RFX3: variants seen among roughly 807,000 people sequenced by gnomAD.
RFX3 encodes the protein regulatory factor X3.
In RFX3, 14 loss-of-function variants were observed where a neutral mutation model predicts 98.6. The ratio of observed to expected loss-of-function variants is 0.14; its 90% CI spans 0.09 to 0.22. The LOEUF is 0.22. Ranked by LOEUF, RFX3 falls within the 10% of genes least tolerant of loss-of-function variation. RFX3 has a pLI of 1.00. For missense variants in RFX3, 639 were observed against 926.9 expected, an observed-to-expected ratio of 0.69 and a Z score of 4.03; for synonymous variants, 383 against 328.4, an observed-to-expected ratio of 1.17 and a Z score of -1.80.
intron 1 of RFX3, among the ~76,000 whole-genome samples, chr9:3,423,320 T>G (rs143539941): frequency 3.0e-4 from 46 of 152,316 alleles, no homozygotes; most frequent in Middle Eastern, 3.4e-3. Context: ...GACATTTGTC[T>G]AAACAAAGAC....
chr9:3,299,732 A>T (rs1828422952), intron 5 of RFX3, among the ~76,000 whole-genome samples: 1 of 151,838 alleles, frequency 6.6e-6, no homozygotes, highest in Non-Finnish European at 1.5e-5. Flanking sequence ...TTCTTTCATG[A>T]ATTCTATAAA....
intron 1 of RFX3, among the ~76,000 whole-genome samples, chr9:3,508,913 T>C (rs1300198624): frequency 6.6e-6 from 1 of 151,606 alleles, no homozygotes; most frequent in East Asian, 1.9e-4. Context: ...CCGAAACTAA[T>C]TCAAGTCTGA....
At chr9:3,393,979 A>T (rs1840586272) in intron 2 of RFX3, among the ~76,000 whole-genome samples, 1 of 152,218 alleles carries the variant, frequency 6.6e-6, no homozygotes, top group Admixed American at 6.5e-5. Flanking sequence ...TGGATCTACA[A>T]TTCTAAAAAA....
chr9:3,318,010 T>C (rs1830827663), intron 4 of RFX3, among the ~76,000 whole-genome samples: 1 of 152,170 alleles, frequency 6.6e-6, no homozygotes, highest in African/African-American at 2.4e-5. Flanking sequence ...GACCCAGCCA[T>C]CCCATTACTG....
intron 12 of RFX3, 99 bp from the exon 13 acceptor site, chr9:3,263,183 T>C: frequency 8.2e-7 from 1 of 1,222,778 alleles, no homozygotes; most frequent in East Asian, 2.4e-5. Context: ...TTTAAATGCT[T>C]GCCTCTGACA....
At position 3,505,328 on chromosome 9, in the gene RFX3, A is replaced by T. The variant is rs1218994778; in HGVS notation, c.-9+20419T>A. 4.6e-4 allele frequency among the ~76,000 whole-genome samples: 41 copies of T among 90,076 alleles called. 6 individuals are homozygous for T. The highest frequency in any genetic ancestry group is 1.5e-3 in the East Asian group (3 of 1,950). The allele number at this position is 90,076 out of a possible 152,430, so 59.1% of individuals were successfully genotyped here. A position where few individuals can be genotyped will look rare whatever the true frequency, so the allele number is the denominator to read the frequency against. ...TATAAATATATATTAATGTATATTT[A>T]TATTTTATATAAATAAAATATTTTA... On this transcript the variant is annotated intron_variant, in intron 1 of 16. Coordinates refer to ENST00000617270, the MANE Select transcript of RFX3 (RefSeq NM_001282116.2).
At chr9:3,238,683 A>C (rs1011088033) in intron 15 of RFX3, among the ~76,000 whole-genome samples, 29 of 152,170 alleles carry the variant, frequency 1.9e-4, no homozygotes, top group Admixed American at 1.3e-3. Context: ...GAATTTTACA[A>C]ATAATATATA....
At chr9:3,387,268 T>C (rs1028306945) in intron 2 of RFX3, among the ~76,000 whole-genome samples, 2 of 152,164 alleles carry the variant, frequency 1.3e-5, no homozygotes, top group Non-Finnish European at 2.9e-5. Context: ...TCAAATACCA[T>C]GTCAAATTTT....
intron 1 of RFX3, among the ~76,000 whole-genome samples, chr9:3,442,374 C>T (rs1845682412): frequency 6.6e-6 from 1 of 151,658 alleles, no homozygotes; most frequent in Non-Finnish European, 1.5e-5. Flanking sequence ...AAGAAAAGGA[C>T]ATCAAAAAAA....
chr9:3,414,926 A>G (rs1842821473), intron 1 of RFX3, among the ~76,000 whole-genome samples: 1 of 125,922 alleles, frequency 7.9e-6, no homozygotes, highest in African/African-American at 3.7e-5. Context: ...ATATACTCAT[A>G]TGTGTGTATA....
chr9:3,395,233 G>A lies in RFX3; in HGVS notation c.117+239C>T, dbSNP rs149859732. On this transcript the variant is annotated intron_variant, in intron 2 of 16. Transcript: ENST00000617270. Reference sequence around the variant, plus strand: ...TAACTTGCTTTAGGAGTCAAGACAGGCTGTTTGAGAATACAGATTATAACT... The same window carrying A: ...TAACTTGCTTTAGGAGTCAAGACAGACTGTTTGAGAATACAGATTATAACT... Among the ~76,000 whole-genome samples, 468 of 152,328 alleles carry A rather than the reference G, an allele frequency of 3.1e-3. 2 individuals carry two copies. Among genetic ancestry groups the A allele is most frequent in the African/African-American group, 0.011 (439 of 41,574 alleles).
intron 2 of RFX3, among the ~76,000 whole-genome samples, chr9:3,364,119 G>A (rs186243748): frequency 1.8e-4 from 28 of 152,232 alleles, no homozygotes; most frequent in Middle Eastern, 3.4e-3. Context: ...CATGATCTGC[G>A]GGCCTCGGCC....
chr9:3,334,013 T>C (rs561793810), intron 3 of RFX3, among the ~76,000 whole-genome samples: 1 of 152,264 alleles, frequency 6.6e-6, no homozygotes, highest in South Asian at 2.1e-4. Context: ...TTGGATTGGT[T>C]GAATTACTTA....
chr9:3,302,354 G>A (rs1315152398), intron 4 of RFX3, among the ~76,000 whole-genome samples: 1 of 151,706 alleles, frequency 6.6e-6, no homozygotes, highest in Non-Finnish European at 1.5e-5. Context: ...AGCATACCAT[G>A]TACGATTATT....
At chr9:3,522,830 A>C (rs1197996770) in intron 1 of RFX3, among the ~76,000 whole-genome samples, 1 of 152,230 alleles carries the variant, frequency 6.6e-6, no homozygotes, top group Non-Finnish European at 1.5e-5. Context: ...TTCATTTTTT[A>C]ATTGCTATTG....
intron 2 of RFX3, among the ~76,000 whole-genome samples, chr9:3,374,561 C>A (rs1205203445): frequency 6.6e-6 from 1 of 152,158 alleles, no homozygotes. Flanking sequence ...ATACATGCTA[C>A]AACACGGATG....
intron 1 of RFX3, among the ~76,000 whole-genome samples, chr9:3,451,887 T>G (rs1265252027): frequency 6.6e-6 from 1 of 152,094 alleles, no homozygotes; most frequent in African/African-American, 2.4e-5. Context: ...AAGTTTGCTA[T>G]CTGGCTTACC....
At chr9:3,372,095 C>G (rs1303349804) in intron 2 of RFX3, among the ~76,000 whole-genome samples, 1 of 152,208 alleles carries the variant, frequency 6.6e-6, no homozygotes, top group Admixed American at 6.5e-5. Flanking sequence ...AAGCTTCTCA[C>G]TACAGCAACT....
intron 4 of RFX3, among the ~76,000 whole-genome samples, chr9:3,321,458 T>C (rs899191227): frequency 2.6e-5 from 4 of 152,206 alleles, no homozygotes; most frequent in African/African-American, 9.6e-5. Context: ...CTCTTCCGCA[T>C]TGCTTGTATG....
Sources: gnomAD v4.1 joint callset for allele counts (sites outside exome capture counted in the v4.1 genomes callset) on GRCh38, gnomAD v4.1.1 for gene constraint, MANE v1.5 for transcripts, NCBI Gene and HGNC (gene_info 2026-07-23, HGNC 2026-07-21) for gene names.